Variants in OR1J2 observed in about 807,000 individuals in gnomAD.
OR1J2 encodes the protein olfactory receptor family 1 subfamily J member 2.
For synonymous variants in OR1J2, 142 were observed against 99.7 expected, an observed-to-expected ratio of 1.42 and a Z score of -2.52; for missense variants, 304 against 246.1, an observed-to-expected ratio of 1.24 and a Z score of -1.57.
chr9:122,467,009 C>T, the OR1J2 span, among the ~76,000 whole-genome samples: 404 of 152,008 alleles, frequency 2.7e-3, 1 homozygote, highest in African/African-American at 8.6e-3. Flanking sequence ...TTAGTAGAGA[C>T]GGGGTTTCAC....
chr9:122,460,676 G>A, the OR1J2 span, among the ~76,000 whole-genome samples: 2 of 152,066 alleles, frequency 1.3e-5, no homozygotes, highest in African/African-American at 4.8e-5. Flanking sequence ...AATGGAAATT[G>A]CATTGAATTT....
chr9:122,463,785 G>C, the OR1J2 span, among the ~76,000 whole-genome samples: 54 of 152,168 alleles, frequency 3.5e-4, no homozygotes, highest in African/African-American at 1.2e-3. Context: ...TCCCTCTTCA[G>C]GTCTCTCCGC....
At chr9:122,472,662 A>G in the OR1J2 span, among the ~76,000 whole-genome samples, 1 of 152,332 alleles carries the variant, frequency 6.6e-6, no homozygotes, top group East Asian at 1.9e-4. Context: ...GATAAAAAGT[A>G]TGCTCTGGTA....
the OR1J2 span, among the ~76,000 whole-genome samples, chr9:122,490,176 A>G: frequency 6.6e-6 from 1 of 152,194 alleles, no homozygotes; most frequent in Non-Finnish European, 1.5e-5. Flanking sequence ...GAATACTGTG[A>G]TAGGGTACCA....
At chr9:122,533,914 A>G in the OR1J2 span, among the ~76,000 whole-genome samples, 1 of 152,150 alleles carries the variant, frequency 6.6e-6, no homozygotes, top group Non-Finnish European at 1.5e-5. Flanking sequence ...CTAAGCCGAG[A>G]AGATCTGGGA....
At chr9:122,499,695 G>T in the OR1J2 span, among the ~76,000 whole-genome samples, 1 of 152,230 alleles carries the variant, frequency 6.6e-6, no homozygotes, top group African/African-American at 2.4e-5. Context: ...CTGAAGATCT[G>T]CCTGGCTGTG....
the OR1J2 span, among the ~76,000 whole-genome samples, chr9:122,478,084 A>G: frequency 2.0e-5 from 3 of 152,202 alleles, no homozygotes; most frequent in Non-Finnish European, 4.4e-5. Flanking sequence ...TTTGCTGCAA[A>G]TGTGCTGAAA....
chr9:122,479,169 G>A, the OR1J2 span, among the ~76,000 whole-genome samples: 14 of 152,264 alleles, frequency 9.2e-5, no homozygotes, highest in East Asian at 1.9e-4. Context: ...GGGACGCAGC[G>A]GTGAATTCCT....
chr9:122,472,416 G>A, the OR1J2 span, among the ~76,000 whole-genome samples: 15 of 151,992 alleles, frequency 9.9e-5, no homozygotes, highest in African/African-American at 3.4e-4. Flanking sequence ...TAGTTGAAAT[G>A]CACCAATAGT....
At chr9:122,522,038 C>T in the OR1J2 span, among the ~76,000 whole-genome samples, 1 of 152,174 alleles carries the variant, frequency 6.6e-6, no homozygotes, top group Non-Finnish European at 1.5e-5. Context: ...CTGGGGTGCA[C>T]CGTATTGATT....
chr9:122,499,235 C>G, the OR1J2 span, among the ~76,000 whole-genome samples: 1 of 152,194 alleles, frequency 6.6e-6, no homozygotes, highest in Non-Finnish European at 1.5e-5. Context: ...CCACCAGGAT[C>G]CCAGAGGTGT....
downstream of OR1J2, among the ~76,000 whole-genome samples, chr9:122,513,657 A>G (rs1227622783): frequency 6.6e-6 from 1 of 152,026 alleles, no homozygotes; most frequent in Non-Finnish European, 1.5e-5. Flanking sequence ...AGCCCTGCAT[A>G]TATTAGGTAT....
At chr9:122,546,424 C>T in the OR1J2 span, among the ~76,000 whole-genome samples, 1 of 152,148 alleles carries the variant, frequency 6.6e-6, no homozygotes, top group African/African-American at 2.4e-5. Context: ...AGTAAAGCAG[C>T]TTCCGCCTTG....
At chr9:122,571,956 C>T in the OR1J2 span, among the ~76,000 whole-genome samples, 1 of 152,142 alleles carries the variant, frequency 6.6e-6, no homozygotes, top group Non-Finnish European at 1.5e-5. Context: ...AATTGCCTCA[C>T]AGTTCTGCAG....
chr9:122,519,731 G>T, the OR1J2 span: 1 of 1,614,076 alleles, frequency 6.2e-7, no homozygotes, highest in Non-Finnish European at 8.5e-7. Flanking sequence ...TCAATGAGCT[G>T]GTCATTTTCA....
the OR1J2 span, among the ~76,000 whole-genome samples, chr9:122,450,326 G>A: frequency 1.3e-5 from 2 of 152,126 alleles, no homozygotes; most frequent in Non-Finnish European, 2.9e-5. Flanking sequence ...AGCTACTAGG[G>A]CGGCTGAGGC....
At chr9:122,507,531 T>C (rs190437103), upstream of OR1J2, among the ~76,000 whole-genome samples, 74 of 152,276 alleles carry the variant, frequency 4.9e-4, 3 homozygotes, top group Non-Finnish European at 1.9e-4. Context: ...CGAGCCTCTC[T>C]CCTGAATTTC....
At chr9:122,545,471 T>C in the OR1J2 span, among the ~76,000 whole-genome samples, 1 of 152,158 alleles carries the variant, frequency 6.6e-6, no homozygotes, top group African/African-American at 2.4e-5. Flanking sequence ...ATTCTTTTAG[T>C]TTTTGATGCA....
chr9:122,521,175 C>T, the OR1J2 span, among the ~76,000 whole-genome samples: 48 of 152,324 alleles, frequency 3.2e-4, no homozygotes, highest in Middle Eastern at 3.4e-3. Context: ...ATAAATTGGG[C>T]TTAACACTAC....
Sources: allele counts gnomAD v4.1 joint callset (sites outside exome capture counted in the v4.1 genomes callset), GRCh38; gene constraint gnomAD v4.1.1; transcripts MANE v1.5; gene names NCBI Gene and HGNC (gene_info 2026-07-23, HGNC 2026-07-21).